Variants in MDGA2 observed in about 807,000 individuals in gnomAD.
MDGA2 encodes the protein MAM domain-containing glycosylphosphatidylinositol anchor protein 2.
A neutral mutation model predicts 117.8 loss-of-function variants in MDGA2; 40 were observed. The observed-to-expected ratio is 0.34, with a 90% CI of 0.26 to 0.44. The LOEUF (loss-of-function observed/expected upper bound fraction) is 0.44, where lower values mean the gene tolerates loss of function less well. Among genes scored for constraint, MDGA2 ranks in the 20% least tolerant of loss-of-function variants. The pLI, the probability that MDGA2 is intolerant of heterozygous loss-of-function variation, is 1.00. For missense variants in MDGA2, 1,123 were observed against 1,250.6 expected (o/e 0.90, Z 1.54); for synonymous variants, 452 against 439.0 (o/e 1.03, Z -0.37).
intron 1 of MDGA2, among the ~76,000 whole-genome samples, chr14:47,530,016 G>C (rs569861479): frequency 1.3e-5 from 2 of 152,244 alleles, no homozygotes; most frequent in Non-Finnish European, 2.9e-5. Flanking sequence ...GCCAGGTTGG[G>C]CTGCCAGAAT....
chr14:47,206,194 A>G (rs926886585), intron 3 of MDGA2, among the ~76,000 whole-genome samples: 4 of 152,052 alleles, frequency 2.6e-5, no homozygotes, highest in African/African-American at 9.7e-5. Context: ...GACAAATGCC[A>G]TCATGTCTTT....
At chr14:47,008,632 A>G (rs1176545706) in intron 8 of MDGA2, among the ~76,000 whole-genome samples, 1 of 151,936 alleles carries the variant, frequency 6.6e-6, no homozygotes, top group Non-Finnish European at 1.5e-5. Flanking sequence ...CAGTTCTGTC[A>G]CTAATCAGGT....
chr14:47,236,637 T>C (rs916261887), intron 2 of MDGA2, among the ~76,000 whole-genome samples: 3 of 152,182 alleles, frequency 2.0e-5, no homozygotes, highest in African/African-American at 4.8e-5. Context: ...CCATAAGTGA[T>C]TGCTAAATAA....
chr14:46,891,052 C>G (rs1205899557), intron 10 of MDGA2, among the ~76,000 whole-genome samples: 2 of 151,970 alleles, frequency 1.3e-5, no homozygotes, highest in Non-Finnish European at 2.9e-5. Flanking sequence ...AAAACAAAGA[C>G]TGTCATTTTA....
At chr14:47,618,411 T>C in intron 1 of MDGA2, among the ~76,000 whole-genome samples, 1 of 152,184 alleles carries the variant, frequency 6.6e-6, no homozygotes, top group Non-Finnish European at 1.5e-5. Context: ...ATCAAAAGCC[T>C]ACCTGTCCAT....
intron 1 of MDGA2, among the ~76,000 whole-genome samples, chr14:47,574,178 G>A (rs923885132): frequency 8.5e-5 from 13 of 152,096 alleles, no homozygotes; most frequent in Admixed American, 8.5e-4. Flanking sequence ...AACCCAAGTA[G>A]GTATTAGGCG....
At chr14:47,094,961 C>T (rs538875495) in intron 6 of MDGA2, among the ~76,000 whole-genome samples, 142 of 152,094 alleles carry the variant, frequency 9.3e-4, no homozygotes, top group South Asian at 2.7e-3. Context: ...AAGTTGGATA[C>T]TTCCATTGTG....
chr14:47,559,158 G>GGGTTT (rs1459736325), intron 1 of MDGA2, among the ~76,000 whole-genome samples: 1 of 152,144 alleles, frequency 6.6e-6, no homozygotes, highest in Non-Finnish European at 1.5e-5. Context: ...CGTGTTGCAA[G>GGGTTT]GGTTTGGTGT....
intron 5 of MDGA2, among the ~76,000 whole-genome samples, chr14:47,116,881 T>C (rs1201577719): frequency 6.8e-6 from 1 of 147,264 alleles, no homozygotes; most frequent in African/African-American, 2.5e-5. Flanking sequence ...CACAAAAGCA[T>C]AGAAAACAAC....
At chr14:47,061,706 T>G (rs1404687779) in intron 6 of MDGA2, 128 bp from the exon 7 acceptor site, 1 of 750,464 alleles carries the variant, frequency 1.3e-6, no homozygotes, top group East Asian at 2.8e-5. Context: ...ATTTCTTTTT[T>G]ATATCCAAGT....
intron 1 of MDGA2, among the ~76,000 whole-genome samples, chr14:47,519,690 T>A (rs552161156): frequency 4.6e-5 from 7 of 152,214 alleles, no homozygotes; most frequent in Non-Finnish European, 1.0e-4. Flanking sequence ...CACATTGTTT[T>A]AATCTTCTGG....
intron 3 of MDGA2, among the ~76,000 whole-genome samples, chr14:47,214,308 C>T (rs868310122): frequency 1.3e-5 from 2 of 152,106 alleles, no homozygotes; most frequent in African/African-American, 4.8e-5. Context: ...AAATCAGATT[C>T]GGGAAATTCA....
Position 47,319,937 on chromosome 14 carries a change from A to G in MDGA2, c.281-18387T>C, listed in dbSNP as rs151244627. 4.7e-3 allele frequency among the ~76,000 whole-genome samples: 717 copies of G among 152,300 alleles called. 5 individuals are homozygous for G. Among genetic ancestry groups the G allele is most frequent in the African/African-American group, 0.016 (671 of 41,564 alleles). On this transcript the variant is annotated intron_variant, in intron 1 of 16. Coordinates refer to ENST00000399232, the MANE Select transcript of MDGA2 (RefSeq NM_001113498.3). The stretch of plus-strand genomic sequence containing the variant: ...ATCTTTAGAGTGGGCCCTAATACAT[A>G]TACAGATGTTCTTGTATAAGGGGGA...
rs145171647 is a variant in MDGA2 at position 46,972,559 on chromosome 14, T to G, written c.1820-14916A>C. 3.9e-3 allele frequency among the ~76,000 whole-genome samples: 589 copies of G among 152,232 alleles called. 8 individuals carry two copies. The highest frequency in any genetic ancestry group is 0.014 in the African/African-American group (576 of 41,532). ...ATTATCACTATCTCCTTTTTATAGA[T>G]AAGGAAATTAAATCTGAGAAGTTAC... is the stretch of plus-strand genomic sequence containing the variant. On this transcript the variant is annotated intron_variant, in intron 8 of 16. Transcript: ENST00000399232.
At chr14:47,551,686 G>A (rs1480170133) in intron 1 of MDGA2, among the ~76,000 whole-genome samples, 2 of 152,094 alleles carry the variant, frequency 1.3e-5, no homozygotes, top group Non-Finnish European at 2.9e-5. Flanking sequence ...TAGATGCAAA[G>A]CCAGGTCTCC....
At chr14:47,271,273 T>C (rs949374928) in intron 2 of MDGA2, among the ~76,000 whole-genome samples, 3 of 152,168 alleles carry the variant, frequency 2.0e-5, no homozygotes, top group Admixed American at 2.0e-4. Context: ...GCACAATTAA[T>C]TGAAAATCCC....
intron 1 of MDGA2, among the ~76,000 whole-genome samples, chr14:47,635,581 A>T (rs2138232959): frequency 6.6e-6 from 1 of 152,276 alleles, no homozygotes; most frequent in East Asian, 1.9e-4. Flanking sequence ...TTACATATTA[A>T]ATGTACTTTG....
At chr14:46,962,195 T>C (rs993093407) in intron 8 of MDGA2, among the ~76,000 whole-genome samples, 2 of 152,072 alleles carry the variant, frequency 1.3e-5, no homozygotes, top group Non-Finnish European at 2.9e-5. Flanking sequence ...TGAGGCTGAT[T>C]TGAATTATCA....
intron 3 of MDGA2, among the ~76,000 whole-genome samples, chr14:47,171,262 G>A (rs1021173928): frequency 3.3e-5 from 5 of 152,018 alleles, no homozygotes; most frequent in African/African-American, 1.2e-4. Flanking sequence ...AATTCTAAGT[G>A]TACATAATAC....
Sources: gnomAD v4.1 joint callset for allele counts (sites outside exome capture counted in the v4.1 genomes callset) on GRCh38, gnomAD v4.1.1 for gene constraint, MANE v1.5 for transcripts, NCBI Gene and HGNC (gene_info 2026-07-23, HGNC 2026-07-21) for gene names.